The following TASL variants were observed in gnomAD, a reference collection of about 807,000 sequenced individuals.
The protein encoded by TASL is TLR adaptor interacting with endolysosomal SLC15A4, also known as TLR adapter interacting with SLC15A4 on the lysosome.
In TASL, 6 loss-of-function variants were observed where a neutral mutation model predicts 12.9. The observed-to-expected ratio is 0.46, with a 90% CI of 0.25 to 0.92. The LOEUF is 0.92. Ranked by LOEUF, TASL falls within the 40% of genes least tolerant of loss-of-function variation. The probability of loss-of-function intolerance (pLI) is 0.17; values close to 1 mark genes in which losing one functional copy is unlikely to be tolerated. For missense variants in TASL, 165 were observed against 212.8 expected (o/e 0.78, Z 1.40); for synonymous variants, 85 against 79.3 (o/e 1.07, Z -0.38).
intron 2 of TASL, 29 bp from the exon 3 acceptor site, chrX:30,560,385 G>A: frequency 1.9e-6 from 2 of 1,054,007 alleles, no homozygotes; most frequent in Non-Finnish European, 2.5e-6. Context: ...AGTAAGAATG[G>A]GGAAAAAGAA....
At chrX:30,576,358 A>C (rs755308895) in intron 2 of TASL, among the ~76,000 whole-genome samples, 2 of 111,393 alleles carry the variant, frequency 1.8e-5, no homozygotes, top group African/African-American at 6.5e-5. Flanking sequence ...AACTGTGCAT[A>C]TGTGCATGCG....
Position 30,559,603 on chromosome X carries a change from T to A in TASL, c.753A>T (p.Gln251His). The A allele has an allele frequency of 8.3e-7, 1 of 1,211,102 alleles. No homozygotes were observed. The highest frequency in any genetic ancestry group is 1.1e-6 in the Non-Finnish European group (1 of 895,099). ...ASELIMTSVD[Q>H]ISLQVSREKN... ...TCTCTCTAGACACTTGAAGACTGAT[T>A]TGGTCTACACTTGTCATGATGAGTT... The change falls in exon 3 of 3, where the codon CAA (glutamine) becomes CAT (histidine). Residue 251 changes from glutamine to histidine, a missense_variant. By Grantham distance (24) the Gln-to-His change is conservative (BLOSUM62 0). Coordinates refer to ENST00000378962, the MANE Select transcript of TASL (RefSeq NM_025159.3).
chrX:30,574,596 G>A (rs1051934463), intron 2 of TASL, among the ~76,000 whole-genome samples: 3 of 111,591 alleles, frequency 2.7e-5, no homozygotes, highest in Admixed American at 9.6e-5. Context: ...GAGGCAATGG[G>A]ATGGGACTGC....
At chrX:30,575,776 C>T (rs969090737) in intron 2 of TASL, among the ~76,000 whole-genome samples, 1 of 111,570 alleles carries the variant, frequency 9.0e-6, no homozygotes, top group South Asian at 3.7e-4. Context: ...CTTCCAAGGA[C>T]GATCTGATGT....
At chrX:30,562,897 T>TACACACAC (rs72184120) in intron 2 of TASL, among the ~76,000 whole-genome samples, 12 of 85,144 alleles carry the variant, frequency 1.4e-4, no homozygotes, top group African/African-American at 3.5e-4. Flanking sequence ...AAAGGTATAA[T>TACACACAC]ACACACACAC....
chrX:30,577,010 C>G (rs946769339), intron 1 of TASL, 144 bp from the exon 2 acceptor site: 31 of 112,450 alleles, frequency 2.8e-4, no homozygotes, highest in African/African-American at 9.7e-4. Context: ...CGTACATGCG[C>G]TATCTTTAAT....
At chrX:30,572,629 T>C (rs1930644767) in intron 2 of TASL, among the ~76,000 whole-genome samples, 1 of 112,241 alleles carries the variant, frequency 8.9e-6, no homozygotes, top group Admixed American at 9.5e-5. Context: ...GGACACACTT[T>C]TAATTTACAT....
In TASL at chrX:30,566,177, T is replaced by C. The variant is rs749402582; in HGVS notation, c.-1-5821A>G. ...CTGAGTAATTAATTTGTTTCTGTAT[T>C]CCTTTCAAGGGATGTCAGAAAGGAG... is the stretch of plus-strand genomic sequence containing the variant. On this transcript the variant is annotated intron_variant, in intron 2 of 2. Coordinates refer to ENST00000378962, the MANE Select transcript of TASL (RefSeq NM_025159.3). 2.7e-5 allele frequency among the ~76,000 whole-genome samples: 3 copies of C among 111,556 alleles called. No homozygotes were observed. In the South Asian group the frequency reaches 1.1e-3, roughly 42 times the overall value.
chrX:30,566,431 C>T (rs1250671221), intron 2 of TASL, among the ~76,000 whole-genome samples: 5 of 110,870 alleles, frequency 4.5e-5, no homozygotes, highest in African/African-American at 1.6e-4. Context: ...CGCTTGAACC[C>T]AGGAGGTGGA....
chrX:30,576,978 A>G (rs1329821782), intron 1 of TASL, 112 bp from the exon 2 acceptor site: 1 of 112,477 alleles, frequency 8.9e-6, no homozygotes, highest in Non-Finnish European at 1.9e-5. Context: ...GAGTCTAAAG[A>G]TAATTCAAAC....
intron 1 of TASL, 80 bp from the exon 2 acceptor site, chrX:30,576,946 G>T (rs528101635): frequency 8.9e-6 from 1 of 112,012 alleles, no homozygotes; most frequent in African/African-American, 3.2e-5. Flanking sequence ...ATTCATATGC[G>T]CAAGACAAAG....
At chrX:30,569,652 G>C (rs757821078) in intron 2 of TASL, among the ~76,000 whole-genome samples, 1 of 111,747 alleles carries the variant, frequency 8.9e-6, no homozygotes, top group African/African-American at 3.3e-5. Context: ...AAGGAGGAAG[G>C]AGCAGCAGCA....
chrX:30,560,263 C>G lies in TASL; in HGVS notation c.93G>C (p.Lys31Asn), dbSNP rs181344532. 1.3e-5 allele frequency: 16 copies of G among 1,208,430 alleles called. No individual in the cohort carries two copies. Among genetic ancestry groups the G allele is most frequent in the Non-Finnish European group, 1.6e-5 (14 of 894,003 alleles). ...TAGCAACAGAATTTGTCTCCTCTTC[C>G]TTTTCCCCAGCCACCTGCTCATTAT... ...ASYNEQVAGE[K>N]EEETNSVATL... is the part of the protein sequence containing the mutation. The change falls in exon 3 of 3, where the codon AAG (lysine) becomes AAC (asparagine). Residue 31 changes from lysine (K) to asparagine (N), a missense_variant. Transcript: ENST00000378962.
intron 2 of TASL, among the ~76,000 whole-genome samples, chrX:30,567,693 A>T (rs1273681421): frequency 9.0e-6 from 1 of 111,447 alleles, no homozygotes; most frequent in Non-Finnish European, 1.9e-5. Flanking sequence ...CCTCCTCTTC[A>T]TGATGACAAG....
chrX:30,563,051 G>A (rs1207447276), intron 2 of TASL, among the ~76,000 whole-genome samples: 1 of 110,671 alleles, frequency 9.0e-6, no homozygotes, highest in East Asian at 2.8e-4. Flanking sequence ...TCTTACAAGA[G>A]CCATGGTGAT....
intron 2 of TASL, among the ~76,000 whole-genome samples, chrX:30,565,971 A>T (rs1222910911): frequency 2.8e-5 from 3 of 109,014 alleles, no homozygotes; most frequent in Non-Finnish European, 3.8e-5. Flanking sequence ...AGGTTTCACC[A>T]TGTTGGCCAG....
At chrX:30,567,791 G>A (rs1930521633) in intron 2 of TASL, among the ~76,000 whole-genome samples, 1 of 112,099 alleles carries the variant, frequency 8.9e-6, no homozygotes, top group African/African-American at 3.2e-5. Flanking sequence ...CAAGTAATTA[G>A]TTAAGGGAGA....
chrX:30,563,192 G>A (rs1930452847), intron 2 of TASL, among the ~76,000 whole-genome samples: 1 of 111,171 alleles, frequency 9.0e-6, no homozygotes, highest in African/African-American at 3.3e-5. Flanking sequence ...TCTCGTGATA[G>A]AGAGTTAGTT....
intron 2 of TASL, among the ~76,000 whole-genome samples, chrX:30,576,423 CAG>C (rs1405104707): frequency 9.0e-6 from 1 of 111,031 alleles, no homozygotes; most frequent in Non-Finnish European, 1.9e-5. Context: ...CAGGCAGAGA[CAG>C]AGAAAGACAA....
Sources: gnomAD v4.1 joint callset for allele counts (sites outside exome capture counted in the v4.1 genomes callset) on GRCh38, gnomAD v4.1.1 for gene constraint, MANE v1.5 for transcripts, NCBI Gene and HGNC (gene_info 2026-07-23, HGNC 2026-07-21) for gene names.